The following ADGRA3 variants were observed in gnomAD, a reference collection of about 807,000 sequenced individuals.
ADGRA3 encodes G-protein coupled receptor 125.
ADGRA3 carries 56 observed loss-of-function variants against 119.8 expected under a neutral mutation model. That is an observed-to-expected ratio of 0.47 (90% CI 0.38 to 0.58). ADGRA3 has a LOEUF of 0.58. Ranked by LOEUF, ADGRA3 falls within the 20% of genes least tolerant of loss-of-function variation. The pLI, the probability that ADGRA3 is intolerant of heterozygous loss-of-function variation, is 0.00. For synonymous variants in ADGRA3, 607 were observed against 623.8 expected (o/e 0.97, Z 0.40); for missense variants, 1,516 against 1,649.0 (o/e 0.92, Z 1.40).
intron 1 of ADGRA3, among the ~76,000 whole-genome samples, chr4:22,509,243 C>T (rs967518728): frequency 5.9e-5 from 9 of 152,142 alleles, no homozygotes; most frequent in African/African-American, 2.2e-4. Context: ...TGGCTCATGC[C>T]TGTAGTCCCA....
At chr4:22,429,030 T>C (rs1327783593) in intron 10 of ADGRA3, among the ~76,000 whole-genome samples, 1 of 151,932 alleles carries the variant, frequency 6.6e-6, no homozygotes, top group Non-Finnish European at 1.5e-5. Context: ...TCTCAGATCA[T>C]GTAATAATCA....
At chr4:22,422,736 T>A (rs1016261220) in intron 11 of ADGRA3, among the ~76,000 whole-genome samples, 1 of 152,246 alleles carries the variant, frequency 6.6e-6, no homozygotes, top group African/African-American at 2.4e-5. Context: ...GAAAAACGAA[T>A]GCAGTTCAGA....
At chr4:22,513,001 A>G (rs955424856) in intron 1 of ADGRA3, among the ~76,000 whole-genome samples, 8 of 152,176 alleles carry the variant, frequency 5.3e-5, no homozygotes, top group Non-Finnish European at 8.8e-5. Context: ...CTCTGATGCT[A>G]CTATGAGAAT....
At chr4:22,480,077 T>C (rs988055875) in intron 1 of ADGRA3, among the ~76,000 whole-genome samples, 7 of 152,156 alleles carry the variant, frequency 4.6e-5, no homozygotes, top group African/African-American at 9.7e-5. Context: ...CAAACCACCA[T>C]GGCACATGTA....
intron 4 of ADGRA3, among the ~76,000 whole-genome samples, chr4:22,450,566 T>C (rs956017630): frequency 5.9e-5 from 9 of 152,040 alleles, no homozygotes. Flanking sequence ...TGCCCAGCCA[T>C]TGTTGTTTCT....
chr4:22,448,464 G>A (rs1036076685), intron 4 of ADGRA3, among the ~76,000 whole-genome samples: 1 of 152,178 alleles, frequency 6.6e-6, no homozygotes, highest in Non-Finnish European at 1.5e-5. Flanking sequence ...AAATGAGGTG[G>A]GGGTGGAACA....
intron 1 of ADGRA3, among the ~76,000 whole-genome samples, chr4:22,502,942 A>C (rs1343636984): frequency 2.6e-5 from 4 of 152,076 alleles, no homozygotes; most frequent in South Asian, 2.1e-4. Flanking sequence ...CTCTTTGTAC[A>C]AAGATTTACT....
At chr4:22,403,609 T>C (rs1714764019) in intron 14 of ADGRA3, among the ~76,000 whole-genome samples, 1 of 152,022 alleles carries the variant, frequency 6.6e-6, no homozygotes, top group East Asian at 1.9e-4. Context: ...GGCCTGGTGG[T>C]GTGCGCCTGT....
intron 1 of ADGRA3, among the ~76,000 whole-genome samples, chr4:22,512,179 G>A (rs1197587944): frequency 6.6e-6 from 1 of 151,964 alleles, no homozygotes; most frequent in Non-Finnish European, 1.5e-5. Flanking sequence ...GCGATTACAG[G>A]TGTGAGCCAC....
At position 22,388,208 on chromosome 4, in the gene ADGRA3, C is replaced by T. The variant is rs763279377; in HGVS notation, c.3463G>A (p.Val1155Met). Residue 1155 changes from valine (V) to methionine (M), a missense_variant, in exon 19 of 19, where the codon GTG becomes ATG. By Grantham distance (21) the Val-to-Met change is conservative. Coordinates refer to ENST00000334304, the MANE Select transcript of ADGRA3 (RefSeq NM_145290.4). ...CGAAACTGAACTTCTAAAGGCGCCA[C>T]GTGCATTTTAATATCATTGTCCATT... Reference protein sequence around the residue: ...HSMDNDIKMHVAPLEVQFRTN... With the variant: ...HSMDNDIKMHMAPLEVQFRTN... The T allele has an allele frequency of 5.6e-6, 9 of 1,614,068 alleles. No homozygotes were observed. The Admixed American group carries it at 6.7e-5, about 12-fold the overall frequency.
At chr4:22,441,073 G>A (rs1716593843) in intron 7 of ADGRA3, among the ~76,000 whole-genome samples, 1 of 152,056 alleles carries the variant, frequency 6.6e-6, no homozygotes, top group South Asian at 2.1e-4. Context: ...GAGAAACAAG[G>A]GTTTTTGGCA....
chr4:22,463,300 A>C (rs1309088267), intron 2 of ADGRA3, among the ~76,000 whole-genome samples: 3 of 152,162 alleles, frequency 2.0e-5, no homozygotes, highest in Non-Finnish European at 2.9e-5. Flanking sequence ...AGTAACCAGT[A>C]CCTCCAGGGT....
At chr4:22,479,816 T>TAA (rs150143399) in intron 1 of ADGRA3, among the ~76,000 whole-genome samples, 2 of 152,048 alleles carry the variant, frequency 1.3e-5, no homozygotes, top group South Asian at 4.2e-4. Context: ...TATGCAGCCA[T>TAA]AAAAAAGGAT....
chr4:22,512,708 G>A lies in ADGRA3; in HGVS notation c.257+2820C>T, dbSNP rs560364009. On this transcript the variant is annotated intron_variant, in intron 1 of 18. Coordinates refer to ENST00000334304, the MANE Select transcript of ADGRA3 (RefSeq NM_145290.4). Reference sequence around the variant, plus strand: ...CAAGGAAAACCAGAAGATGAGAGACGCAAGCATGAATTCTTCCTAAAGTCC... The same window carrying A: ...CAAGGAAAACCAGAAGATGAGAGACACAAGCATGAATTCTTCCTAAAGTCC... 5.9e-5 allele frequency among the ~76,000 whole-genome samples: 9 copies of A among 152,234 alleles called. No individual in the cohort carries two copies. The East Asian group carries it at 1.2e-3, about 20-fold the overall frequency.
intron 3 of ADGRA3, among the ~76,000 whole-genome samples, chr4:22,459,435 G>T (rs1004151832): frequency 6.6e-6 from 1 of 151,470 alleles, no homozygotes; most frequent in Non-Finnish European, 1.5e-5. Context: ...GTTTACCTAC[G>T]CAACAAACCT....
chr4:22,476,748 T>C (rs1718059054), intron 1 of ADGRA3, among the ~76,000 whole-genome samples: 1 of 151,744 alleles, frequency 6.6e-6, no homozygotes, highest in Non-Finnish European at 1.5e-5. Flanking sequence ...TTCACTACAA[T>C]CTACGCCTCC....
At chr4:22,507,583 C>T (rs973056191) in intron 1 of ADGRA3, among the ~76,000 whole-genome samples, 1 of 152,184 alleles carries the variant, frequency 6.6e-6, no homozygotes, top group South Asian at 2.1e-4. Context: ...TTATCATATT[C>T]GTTTGTTTTG....
intron 16 of ADGRA3, among the ~76,000 whole-genome samples, chr4:22,395,200 G>T (rs971496590): frequency 6.6e-6 from 1 of 152,116 alleles, no homozygotes; most frequent in African/African-American, 2.4e-5. Context: ...AATTTCCAAA[G>T]TTGTAAAATG....
At chr4:22,449,264 C>A (rs918970731) in intron 4 of ADGRA3, among the ~76,000 whole-genome samples, 1 of 149,374 alleles carries the variant, frequency 6.7e-6, no homozygotes, top group South Asian at 2.1e-4. Flanking sequence ...AGTGAGACCC[C>A]GTCTCAAAAA....
Sources: gnomAD v4.1 joint callset for allele counts (sites outside exome capture counted in the v4.1 genomes callset) on GRCh38, gnomAD v4.1.1 for gene constraint, MANE v1.5 for transcripts, NCBI Gene and HGNC (gene_info 2026-07-23, HGNC 2026-07-21) for gene names.